NUBPL: variants seen among roughly 807,000 people sequenced by gnomAD.
NUBPL encodes the protein iron-sulfur cluster transfer protein NUBPL.
Under a neutral mutation model 45.7 loss-of-function variants are expected in NUBPL, and 31 were observed. The ratio of observed to expected loss-of-function variants is 0.68; its 90% CI spans 0.51 to 0.92. The LOEUF (loss-of-function observed/expected upper bound fraction) is 0.92. Among genes scored for constraint, NUBPL ranks in the 40% least tolerant of loss-of-function variants. NUBPL has a pLI of 0.00. For synonymous variants in NUBPL, 144 were observed against 140.9 expected (o/e 1.02, Z -0.15); for missense variants, 401 against 398.7 (o/e 1.01, Z -0.05).
intron 4 of NUBPL, among the ~76,000 whole-genome samples, chr14:31,666,265 T>TATATTTATTA (rs1566487244): frequency 1.0e-4 from 3 of 28,900 alleles, no homozygotes; most frequent in African/African-American, 2.4e-4. Flanking sequence ...ATATATATAA[T>TATATTTATTA]TTTATTTTAT....
At chr14:31,671,898 G>A (rs117840777) in intron 4 of NUBPL, among the ~76,000 whole-genome samples, 3,444 of 152,130 alleles carry the variant, frequency 0.023, 61 homozygotes, top group Non-Finnish European at 0.035. Flanking sequence ...AAACCCTGAA[G>A]AACATATCTT....
At chr14:31,837,196 C>T (rs1345967238) in intron 8 of NUBPL, among the ~76,000 whole-genome samples, 1 of 152,094 alleles carries the variant, frequency 6.6e-6, no homozygotes, top group African/African-American at 2.4e-5. Context: ...TGGCATGCAT[C>T]TGTAGTCTCA....
intron 4 of NUBPL, among the ~76,000 whole-genome samples, chr14:31,647,668 C>T (rs2035893006): frequency 6.6e-6 from 1 of 152,160 alleles, no homozygotes. Context: ...GATGGTGGTC[C>T]CACCTCCCCT....
At chr14:31,579,550 A>G (rs2033808983) in intron 3 of NUBPL, among the ~76,000 whole-genome samples, 1 of 152,230 alleles carries the variant, frequency 6.6e-6, no homozygotes, top group African/African-American at 2.4e-5. Flanking sequence ...CTTGTCATAG[A>G]AATGAAGACA....
At chr14:31,658,508 C>G (rs1401945914) in intron 4 of NUBPL, among the ~76,000 whole-genome samples, 3 of 151,382 alleles carry the variant, frequency 2.0e-5, no homozygotes, top group Non-Finnish European at 4.4e-5. Flanking sequence ...TGGAAGTTTT[C>G]TTTAATAGCT....
chr14:31,685,821 G>A (rs1202947960), intron 6 of NUBPL, among the ~76,000 whole-genome samples: 12 of 152,174 alleles, frequency 7.9e-5, no homozygotes, highest in Non-Finnish European at 1.5e-4. Flanking sequence ...GTGATGCACA[G>A]TTTTTAGTGT....
intron 6 of NUBPL, among the ~76,000 whole-genome samples, chr14:31,707,219 G>A (rs1221054812): frequency 3.3e-5 from 5 of 152,210 alleles, no homozygotes; most frequent in African/African-American, 1.2e-4. Flanking sequence ...GGAAGGCTAC[G>A]GATTGTCAGT....
At position 31,784,462 on chromosome 14, in the gene NUBPL, C is replaced by T. The variant is rs539731403; in HGVS notation, c.514-3318C>T. On this transcript the variant is annotated intron_variant, in intron 6 of 10. Coordinates refer to ENST00000281081, the MANE Select transcript of NUBPL (RefSeq NM_025152.3). ...TCCCTGACACCCTTTATTCATTTTACAAAACATTGAAACATTGTAGGTAAG... is the reference window on the plus strand; with the variant it reads ...TCCCTGACACCCTTTATTCATTTTATAAAACATTGAAACATTGTAGGTAAG... 8.5e-5 allele frequency among the ~76,000 whole-genome samples: 13 copies of T among 152,212 alleles called. No homozygotes were observed. The East Asian group carries it at 2.5e-3, about 29-fold the overall frequency.
intron 4 of NUBPL, among the ~76,000 whole-genome samples, chr14:31,671,230 G>A (rs995520518): frequency 1.3e-5 from 2 of 152,060 alleles, no homozygotes; most frequent in African/African-American, 4.8e-5. Context: ...TGGATGAATA[G>A]TATTCTATTG....
At chr14:31,613,519 T>C (rs2034817769) in intron 4 of NUBPL, among the ~76,000 whole-genome samples, 1 of 152,070 alleles carries the variant, frequency 6.6e-6, no homozygotes, top group Non-Finnish European at 1.5e-5. Context: ...TGGTGCGATC[T>C]CAGGTCACAG....
rs189997927 is a variant in NUBPL, at chr14:31,856,051, T to G, written c.898-3067T>G. Among the ~76,000 whole-genome samples, 4 of 152,320 alleles carry G rather than the reference T, an allele frequency of 2.6e-5. No individual in the cohort carries two copies. The East Asian group carries it at 7.7e-4, about 29-fold the overall frequency. Reference sequence around the variant, plus strand: ...CTGTAAGCATATTATTTTATTCGTTTGTTTTCACACTGCTGATAAAGACAT... The same window carrying G: ...CTGTAAGCATATTATTTTATTCGTTGGTTTTCACACTGCTGATAAAGACAT... On this transcript the variant is annotated intron_variant, in intron 10 of 10. Transcript: ENST00000281081.
Position 31,561,434 on chromosome 14 carries a change from C to G in NUBPL, c.-6C>G. 3.6e-6 allele frequency: 5 copies of G among 1,398,420 alleles called. No individual in the cohort carries two copies. The highest frequency in any genetic ancestry group is 4.7e-6 in the Non-Finnish European group (5 of 1,064,982). 86.6% of individuals were successfully genotyped at this position (1,398,420 alleles called of 1,614,324 possible). ...CCCAGCAGGGCTCACAGCAGCGTTCCGCGTCATGGGGATTTGGCAGCGTCT... is the reference window on the plus strand; with the variant it reads ...CCCAGCAGGGCTCACAGCAGCGTTCGGCGTCATGGGGATTTGGCAGCGTCT... On this transcript the variant is annotated 5_prime_UTR_variant, in exon 1 of 11. Coordinates refer to ENST00000281081, the MANE Select transcript of NUBPL (RefSeq NM_025152.3).
In NUBPL at chr14:31,647,913, G is replaced by A. The variant is rs12895887; in HGVS notation, c.383-25442G>A. Among the ~76,000 whole-genome samples, 12 of 152,260 alleles carry A rather than the reference G, an allele frequency of 7.9e-5. No homozygotes were observed. The East Asian group carries it at 2.1e-3, about 27-fold the overall frequency. On this transcript the variant is annotated intron_variant, in intron 4 of 10. Coordinates refer to ENST00000281081, the MANE Select transcript of NUBPL (RefSeq NM_025152.3). The stretch of plus-strand genomic sequence containing the variant: ...GATATCTGGTCACCTTTTGGAAAAG[G>A]CTACTTTTAATTTCTTATGGTTAAT...
chr14:31,855,627 T>G (rs961182467), intron 10 of NUBPL, among the ~76,000 whole-genome samples: 2 of 151,990 alleles, frequency 1.3e-5, no homozygotes, highest in African/African-American at 4.8e-5. Flanking sequence ...TTTAGAGTTT[T>G]TTTTTTTTTT....
At chr14:31,849,132 A>G (rs2040499907) in intron 9 of NUBPL, among the ~76,000 whole-genome samples, 1 of 152,218 alleles carries the variant, frequency 6.6e-6, no homozygotes, top group Non-Finnish European at 1.5e-5. Context: ...AGGATCATGA[A>G]ATAACATTTA....
At position 31,702,041 on chromosome 14, in the gene NUBPL, TAA is replaced by T. The variant is rs1380842251; in HGVS notation, c.513+28468_513+28469del. Among the ~76,000 whole-genome samples, 795 of 152,280 alleles carry T rather than the reference TAA, an allele frequency of 5.2e-3. 11 individuals are homozygous for T. The highest frequency in any genetic ancestry group is 0.018 in the African/African-American group (749 of 41,554). ...GTGTAGGGGTTCCCAAGATCACCCT[TAA>T]GTTCAATAATTTGTTAGAAGGACTC... On this transcript the variant is annotated intron_variant, in intron 6 of 10. Transcript: ENST00000281081.
intron 10 of NUBPL, 118 bp downstream of exon 10, chr14:31,850,319 T>C (rs1350911631): frequency 2.5e-6 from 2 of 789,652 alleles, no homozygotes; most frequent in Non-Finnish European, 2.1e-6. Flanking sequence ...TAAACAAGGA[T>C]TATTTAACTT....
intron 6 of NUBPL, among the ~76,000 whole-genome samples, chr14:31,740,601 T>C (rs992553017): frequency 1.3e-4 from 20 of 152,358 alleles, no homozygotes; most frequent in Admixed American, 1.3e-3. Context: ...GGTTTTTGGC[T>C]TGTCTTCTCA....
intron 4 of NUBPL, among the ~76,000 whole-genome samples, chr14:31,635,031 T>C (rs1000196277): frequency 3.3e-5 from 5 of 149,812 alleles, no homozygotes; most frequent in East Asian, 1.9e-4. Context: ...TTCTCCCATT[T>C]TGTAGGTTGC....
Sources: allele counts gnomAD v4.1 joint callset (sites outside exome capture counted in the v4.1 genomes callset), GRCh38; gene constraint gnomAD v4.1.1; transcripts MANE v1.5; gene names NCBI Gene and HGNC (gene_info 2026-07-23, HGNC 2026-07-21).